The following ACACA variants were observed in gnomAD, a reference collection of about 807,000 sequenced individuals.
The protein encoded by ACACA is acetyl-CoA carboxylase alpha.
ACACA carries 103 observed loss-of-function variants against 296.1 expected under a neutral mutation model. The ratio of observed to expected loss-of-function variants is 0.35; its 90% confidence interval spans 0.30 to 0.41. The LOEUF is 0.41. ACACA is among the 10% of genes least tolerant of loss of function. ACACA has a pLI of 1.00. For synonymous variants in ACACA, 953 were observed against 1,038.6 expected, an observed-to-expected ratio of 0.92 and a Z score of 1.58; for missense variants, 1,554 against 2,989.7, an observed-to-expected ratio of 0.52 and a Z score of 11.20.
chr17:37,384,681 T>A (rs559771826), intron 1 of ACACA, among the ~76,000 whole-genome samples: 1 of 152,360 alleles, frequency 6.6e-6, no homozygotes, highest in Admixed American at 6.5e-5. Context: ...AGCACTATGA[T>A]GAAAATGTTC....
In ACACA at chr17:37,270,880, A is replaced by C. The variant is rs1208083173; in HGVS notation, c.1009-19T>G. 3.1e-6 allele frequency: 5 copies of C among 1,593,984 alleles called. No individual in the cohort carries two copies. The highest frequency in any genetic ancestry group is 4.3e-6 in the Non-Finnish European group (5 of 1,162,540). On this transcript the variant is annotated intron_variant, in intron 9 of 55. Coordinates refer to ENST00000616317, the MANE Select transcript of ACACA (RefSeq NM_198834.3). ...CAGCTGCCTTCAAAAAGAAAGAAAA[A>C]AAAAATAGAAGAAACAGTGTTATTA...
Position 37,087,147 on chromosome 17 carries a change from G to T in ACACA, c.*169C>A. 1.1e-6 allele frequency: 1 copy of T among 908,528 alleles called. No homozygotes were observed. Among genetic ancestry groups the T allele is most frequent in the Non-Finnish European group, 1.7e-6 (1 of 583,718 alleles). The allele number at this position is 908,528 out of a possible 1,614,324, so 56.3% of individuals were successfully genotyped here. A position where few individuals can be genotyped will look rare whatever the true frequency, so the allele number is the denominator to read the frequency against. Reference sequence around the variant, plus strand: ...CTGGTGGGCTGGAGGGGGATTCTGTGATCTTACATCCCAGGATGTCATGCA... The same window carrying T: ...CTGGTGGGCTGGAGGGGGATTCTGTTATCTTACATCCCAGGATGTCATGCA... On this transcript the variant is annotated 3_prime_UTR_variant, in exon 56 of 56. Coordinates refer to ENST00000616317, the MANE Select transcript of ACACA (RefSeq NM_198834.3).
intron 3 of ACACA, among the ~76,000 whole-genome samples, chr17:37,313,110 A>G (rs574382080): frequency 7.0e-4 from 106 of 152,262 alleles, no homozygotes; most frequent in African/African-American, 2.4e-3. Context: ...TTACTTATGA[A>G]GAATTATTAA....
At chr17:37,090,923 G>GA (rs755698651) in intron 54 of ACACA, among the ~76,000 whole-genome samples, 137 of 139,350 alleles carry the variant, frequency 9.8e-4, no homozygotes, top group South Asian at 3.4e-3. Context: ...TTTCAGAATG[G>GA]AAAAAAAAAA....
intron 1 of ACACA, among the ~76,000 whole-genome samples, chr17:37,375,504 T>C (rs2049968021): frequency 1.3e-5 from 2 of 151,738 alleles, no homozygotes. Context: ...AAAGAGATCA[T>C]ATGGTTCAGG....
intron 52 of ACACA, among the ~76,000 whole-genome samples, chr17:37,098,991 T>C (rs924695599): frequency 6.6e-6 from 1 of 152,336 alleles, no homozygotes; most frequent in African/African-American, 2.4e-5. Context: ...TGACAGCCCC[T>C]GGTGTTAGGG....
intron 41 of ACACA, chr17:37,162,541 C>G: frequency 3.8e-6 from 1 of 265,248 alleles, no homozygotes; most frequent in South Asian, 4.2e-5. Flanking sequence ...CCCCTTTGAT[C>G]TGAGTTTATG....
At chr17:37,348,987 G>A (rs892238125) in intron 1 of ACACA, among the ~76,000 whole-genome samples, 3 of 151,260 alleles carry the variant, frequency 2.0e-5, no homozygotes, top group Non-Finnish European at 2.9e-5. Flanking sequence ...AACTGATGTT[G>A]GCAAATATCG....
At chr17:37,183,848 CTTT>C (rs775286104) in intron 39 of ACACA, among the ~76,000 whole-genome samples, 5 of 120,064 alleles carry the variant, frequency 4.2e-5, no homozygotes, top group Non-Finnish European at 3.4e-5. Flanking sequence ...AGTTTCAGTC[CTTT>C]TTTTTTTTTT....
chr17:37,170,153 G>A (rs760004059), intron 41 of ACACA, among the ~76,000 whole-genome samples: 7 of 151,988 alleles, frequency 4.6e-5, no homozygotes, highest in African/African-American at 7.2e-5. Flanking sequence ...AACCTAAGCT[G>A]ATTATCTTAA....
chr17:37,331,409 A>AT (rs1027432842), intron 2 of ACACA, among the ~76,000 whole-genome samples: 133 of 114,198 alleles, frequency 1.2e-3, no homozygotes, highest in African/African-American at 4.2e-3. Context: ...CACCCGGCCT[A>AT]TTTTTTTTTT....
At chr17:37,379,185 T>C in intron 1 of ACACA, 1 of 1,613,994 alleles carries the variant, frequency 6.2e-7, no homozygotes. Context: ...AACCGGACTA[T>C]AGCTACCCTG....
chr17:37,129,540 C>T lies in ACACA; in HGVS notation c.5824-55G>A, dbSNP rs1186446791. 8.7e-6 allele frequency: 14 copies of T among 1,609,588 alleles called. No homozygotes were observed. The East Asian group carries it at 3.1e-4, about 36-fold the overall frequency. On this transcript the variant is annotated intron_variant, in intron 46 of 55. Transcript: ENST00000616317. ...ATCAGTGAACGACAGCCCTAGACTC[C>T]AACTCAGCAACAATAGTTATAGACA...
chr17:37,309,197 AT>A (rs1337673532), intron 3 of ACACA, among the ~76,000 whole-genome samples: 1 of 151,352 alleles, frequency 6.6e-6, no homozygotes, highest in East Asian at 2.0e-4. Flanking sequence ...ATTAAAAAAA[AT>A]TTTTTTTTGT....
intron 39 of ACACA, 34 bp downstream of exon 39, chr17:37,188,243 T>A: frequency 6.2e-7 from 1 of 1,603,936 alleles, no homozygotes; most frequent in Non-Finnish European, 8.5e-7. Context: ...TAGGACCAAA[T>A]CAAAACTCTG....
chr17:37,094,390 G>A (rs1232940587), intron 54 of ACACA, among the ~76,000 whole-genome samples: 1 of 152,086 alleles, frequency 6.6e-6, no homozygotes, highest in Non-Finnish European at 1.5e-5. Flanking sequence ...CAAATTCTCT[G>A]GGAACAAAAA....
intron 41 of ACACA, among the ~76,000 whole-genome samples, chr17:37,168,540 G>C (rs2076768804): frequency 6.6e-6 from 1 of 151,454 alleles, no homozygotes; most frequent in African/African-American, 2.4e-5. Flanking sequence ...AAAAATTTAA[G>C]GGGGGAAAAA....
intron 1 of ACACA, among the ~76,000 whole-genome samples, chr17:37,344,926 C>T (rs991212143): frequency 1.3e-5 from 2 of 152,158 alleles, no homozygotes; most frequent in Non-Finnish European, 2.9e-5. Flanking sequence ...GGTTTATTCT[C>T]TAGAGAGGGT....
intron 25 of ACACA, among the ~76,000 whole-genome samples, chr17:37,233,615 C>A (rs1280050174): frequency 1.3e-5 from 2 of 152,086 alleles, no homozygotes; most frequent in Non-Finnish European, 2.9e-5. Context: ...ATTCTCCTAC[C>A]CTCCTCATCA....
Sources: gnomAD v4.1 joint callset for allele counts (sites outside exome capture counted in the v4.1 genomes callset) on GRCh38, gnomAD v4.1.1 for gene constraint, MANE v1.5 for transcripts, NCBI Gene and HGNC (gene_info 2026-07-23, HGNC 2026-07-21) for gene names.